Variants in WDR70 observed in about 807,000 individuals in gnomAD.
The protein encoded by WDR70 is WD repeat-containing protein 70.
In WDR70, 53 loss-of-function variants were observed where a neutral mutation model predicts 88.6. That is an observed-to-expected ratio of 0.60 (90% CI 0.48 to 0.75). The LOEUF (loss-of-function observed/expected upper bound fraction) is 0.75. Among genes scored for constraint, WDR70 ranks in the 30% least tolerant of loss-of-function variants. WDR70 has a pLI of 0.00. For missense variants in WDR70, 610 were observed against 823.2 expected (o/e 0.74, Z 3.17); for synonymous variants, 280 against 270.0 (o/e 1.04, Z -0.36).
At chr5:37,406,104 GA>G (rs577943636) in intron 5 of WDR70, among the ~76,000 whole-genome samples, 40 of 152,106 alleles carry the variant, frequency 2.6e-4, no homozygotes, top group Non-Finnish European at 5.1e-4. Flanking sequence ...AGGGAAACTG[GA>G]AAACTAAGGA....
rs140073737 is a variant in WDR70, at chr5:37,726,893, C to T, written c.1725C>T (p.Gly575=). The change falls in exon 17 of 18, where the codon GGC becomes GGT. Residue 575 remains glycine (G), a synonymous_variant. Coordinates refer to ENST00000265107, the MANE Select transcript of WDR70 (RefSeq NM_018034.4). The part of the protein sequence containing the change: ...EPPVAGPGRG[G]RVGTHGGTLS... ...TTTCTTTTGCAATAGGTCGTGGTGG[C>T]CGAGTTGGAACCCACGGGGGCACTC... 5.1e-5 allele frequency: 80 copies of T among 1,583,140 alleles called. No homozygotes were observed. The African/African-American group carries it at 9.7e-4, about 19-fold the overall frequency.
At chr5:37,611,481 C>G (rs1424747938) in intron 10 of WDR70, among the ~76,000 whole-genome samples, 2 of 151,836 alleles carry the variant, frequency 1.3e-5, no homozygotes, top group Non-Finnish European at 1.5e-5. Flanking sequence ...TCATTTATAT[C>G]TATTAGAGCA....
chr5:37,394,683 G>T (rs1340701036), intron 4 of WDR70, among the ~76,000 whole-genome samples: 1 of 152,146 alleles, frequency 6.6e-6, no homozygotes, highest in Non-Finnish European at 1.5e-5. Context: ...GACATTTGAG[G>T]AAACTCCAAA....
intron 9 of WDR70, among the ~76,000 whole-genome samples, chr5:37,554,412 G>A (rs975943080): frequency 6.6e-6 from 1 of 152,088 alleles, no homozygotes; most frequent in Admixed American, 6.6e-5. Flanking sequence ...GGAAGATGTT[G>A]CTTGGATGAT....
intron 4 of WDR70, among the ~76,000 whole-genome samples, chr5:37,393,537 C>A (rs114822965): frequency 1.3e-5 from 2 of 151,378 alleles, no homozygotes; most frequent in Non-Finnish European, 2.9e-5. Context: ...CTTTGTTTTC[C>A]GTAGGTTCTG....
At position 37,461,593 on chromosome 5, in the gene WDR70, C is replaced by G. The variant is rs530619405; in HGVS notation, c.686+18221C>G. On this transcript the variant is annotated intron_variant, in intron 7 of 17. Transcript: ENST00000265107. The stretch of plus-strand genomic sequence containing the variant: ...CTGCCTCCTGGGTTCACGCCGTTCT[C>G]CTGCCTCAGCCACCTGAGGAGCTGG... 5.9e-5 allele frequency among the ~76,000 whole-genome samples: 9 copies of G among 152,160 alleles called. No individual in the cohort carries two copies. The South Asian group carries it at 1.9e-3, about 32-fold the overall frequency.
chr5:37,591,495 A>G (rs1743530788), intron 9 of WDR70, among the ~76,000 whole-genome samples: 1 of 152,244 alleles, frequency 6.6e-6, no homozygotes, highest in African/African-American at 2.4e-5. Flanking sequence ...ATGAAAGATC[A>G]TTCATAAGAC....
At chr5:37,660,904 T>C (rs920815938) in intron 10 of WDR70, among the ~76,000 whole-genome samples, 2 of 152,138 alleles carry the variant, frequency 1.3e-5, no homozygotes, top group Non-Finnish European at 2.9e-5. Flanking sequence ...GGCCAACAAA[T>C]TTAAAAATAC....
chr5:37,673,765 C>T (rs1233293950), intron 10 of WDR70, among the ~76,000 whole-genome samples: 1 of 152,090 alleles, frequency 6.6e-6, no homozygotes, highest in East Asian at 1.9e-4. Flanking sequence ...TCTCTCCCTT[C>T]ACCCATGCCC....
chr5:37,644,118 G>T (rs1745173725), intron 10 of WDR70, among the ~76,000 whole-genome samples: 1 of 151,964 alleles, frequency 6.6e-6, no homozygotes, highest in Non-Finnish European at 1.5e-5. Flanking sequence ...ACTAGCTGTG[G>T]GTCTGTCTAT....
chr5:37,669,878 C>T lies in WDR70; in HGVS notation c.1093-27777C>T, dbSNP rs141588524. ...GTGCTGATACATACTGCAACATGGA[C>T]GAACCTCAAAAACATTACGCTAAAT... On this transcript the variant is annotated intron_variant, in intron 10 of 17. Coordinates refer to ENST00000265107, the MANE Select transcript of WDR70 (RefSeq NM_018034.4). Among the ~76,000 whole-genome samples the T allele has an allele frequency of 2.7e-4, 41 of 152,220 alleles. No homozygotes were observed. In the East Asian group the frequency reaches 7.1e-3, roughly 26 times the overall value.
chr5:37,528,523 A>C (rs1741374890), intron 9 of WDR70, among the ~76,000 whole-genome samples: 1 of 152,150 alleles, frequency 6.6e-6, no homozygotes, highest in African/African-American at 2.4e-5. Context: ...AGATATACCT[A>C]ATGTAAATGA....
intron 5 of WDR70, among the ~76,000 whole-genome samples, chr5:37,407,091 G>C (rs1749376749): frequency 6.6e-6 from 1 of 152,204 alleles, no homozygotes; most frequent in Non-Finnish European, 1.5e-5. Context: ...CCAGGAGTTT[G>C]AGATTGCAGT....
At chr5:37,522,201 G>A (rs1448288973) in intron 9 of WDR70, among the ~76,000 whole-genome samples, 1 of 151,964 alleles carries the variant, frequency 6.6e-6, no homozygotes, top group African/African-American at 2.4e-5. Context: ...GGCTGGGCAT[G>A]GTGGCTCATG....
rs536335257 is a variant in WDR70, at chr5:37,691,051, C to CA, written c.1093-6596dup. Among the ~76,000 whole-genome samples the CA allele has an allele frequency of 5.2e-3, 781 of 151,396 alleles. 8 individuals are homozygous for CA. The highest frequency in any genetic ancestry group is 0.015 in the African/African-American group (623 of 41,316). On this transcript the variant is annotated intron_variant, in intron 10 of 17. Coordinates refer to ENST00000265107, the MANE Select transcript of WDR70 (RefSeq NM_018034.4). ...GGGGATCTACCAAGCAAATGGAAAA[C>CA]AAAAAAAAGCGGGGGTTGCAATCCT...
intron 12 of WDR70, 114 bp from the exon 13 acceptor site, chr5:37,702,835 C>A: frequency 9.6e-7 from 1 of 1,046,238 alleles, no homozygotes; most frequent in Non-Finnish European, 1.3e-6. Context: ...GTGCTTGACT[C>A]ATAAGCCCTA....
intron 9 of WDR70, among the ~76,000 whole-genome samples, chr5:37,533,220 G>A (rs754654023): frequency 9.2e-5 from 14 of 152,286 alleles, no homozygotes; most frequent in East Asian, 3.9e-4. Flanking sequence ...TGTTTGGTGC[G>A]TCATTTTGTG....
intron 7 of WDR70, among the ~76,000 whole-genome samples, chr5:37,466,705 CAAAAAAAAAAAAAAAAAAA>C (rs796359494): frequency 1.5e-5 from 1 of 65,530 alleles, no homozygotes; most frequent in Non-Finnish European, 2.6e-5. Context: ...GACTCCATCT[CAAAAAAAAAAAAAAAAAAA>C]AAAAAAAAAA....
intron 7 of WDR70, among the ~76,000 whole-genome samples, chr5:37,461,558 A>G (rs1450888317): frequency 6.6e-6 from 1 of 151,914 alleles, no homozygotes; most frequent in East Asian, 1.9e-4. Context: ...ATCTCCGCTC[A>G]CTGCAAGCTC....
Sources: gnomAD v4.1 joint callset for allele counts (sites outside exome capture counted in the v4.1 genomes callset) on GRCh38, gnomAD v4.1.1 for gene constraint, MANE v1.5 for transcripts, NCBI Gene and HGNC (gene_info 2026-07-23, HGNC 2026-07-21) for gene names.